The following POFUT3 variants were observed in gnomAD, a reference collection of about 807,000 sequenced individuals.
POFUT3 encodes the protein protein O-fucosyltransferase 3, also known as GDP-fucose protein O-fucosyltransferase 3.
chr8:33,312,526 G>C, the POFUT3 span, among the ~76,000 whole-genome samples: 1 of 152,034 alleles, frequency 6.6e-6, no homozygotes, highest in African/African-American at 2.4e-5. Flanking sequence ...TGATGAGTTA[G>C]TTTTACTAAC....
the POFUT3 span, among the ~76,000 whole-genome samples, chr8:33,382,108 C>T: frequency 2.0e-5 from 3 of 152,128 alleles, no homozygotes; most frequent in Admixed American, 6.6e-5. Flanking sequence ...GCCTGGGAAA[C>T]ATGGCAAAAC....
the POFUT3 span, among the ~76,000 whole-genome samples, chr8:33,357,542 GTA>G: frequency 2.0e-5 from 3 of 150,624 alleles, no homozygotes; most frequent in Non-Finnish European, 3.0e-5. Context: ...ATATATGTGT[GTA>G]TATATATATA....
the POFUT3 span, among the ~76,000 whole-genome samples, chr8:33,441,616 A>G: frequency 2.7e-3 from 411 of 151,974 alleles, 2 homozygotes; most frequent in African/African-American, 9.5e-3. Context: ...CGAGAGCTCA[A>G]CCGATCTGCC....
chr8:33,401,857 G>C, the POFUT3 span, among the ~76,000 whole-genome samples: 2 of 152,020 alleles, frequency 1.3e-5, no homozygotes, highest in Non-Finnish European at 2.9e-5. Context: ...GCGAAACGCT[G>C]TCTCTACTAA....
chr8:33,459,203 G>GCT, the POFUT3 span, among the ~76,000 whole-genome samples: 1 of 152,104 alleles, frequency 6.6e-6, no homozygotes, highest in African/African-American at 2.4e-5. Flanking sequence ...AGCTGGGCAT[G>GCT]GTGGCAGGCA....
the POFUT3 span, among the ~76,000 whole-genome samples, chr8:33,427,946 G>A: frequency 6.6e-6 from 1 of 152,066 alleles, no homozygotes; most frequent in Non-Finnish European, 1.5e-5. Flanking sequence ...CCAACATGGT[G>A]AAACCCATCT....
At chr8:33,374,051 A>T in the POFUT3 span, among the ~76,000 whole-genome samples, 1 of 152,208 alleles carries the variant, frequency 6.6e-6, no homozygotes, top group African/African-American at 2.4e-5. Flanking sequence ...GCAGAGCAGG[A>T]GGTGAGCAGC....
the POFUT3 span, among the ~76,000 whole-genome samples, chr8:33,407,591 T>G: frequency 6.6e-6 from 1 of 151,594 alleles, no homozygotes; most frequent in Non-Finnish European, 1.5e-5. Flanking sequence ...TAAAAAAAAT[T>G]TTTTATCTCA....
the POFUT3 span, among the ~76,000 whole-genome samples, chr8:33,354,630 T>C: frequency 6.6e-6 from 1 of 152,148 alleles, no homozygotes; most frequent in African/African-American, 2.4e-5. Context: ...CTGGAAACAC[T>C]CTCACAGACA....
the POFUT3 span, among the ~76,000 whole-genome samples, chr8:33,349,635 A>G: frequency 6.6e-6 from 1 of 152,224 alleles, no homozygotes; most frequent in Non-Finnish European, 1.5e-5. Flanking sequence ...ATGGCTGAGT[A>G]GTAGTCCATG....
the POFUT3 span, chr8:33,389,261 T>TATACAG: frequency 1.2e-6 from 2 of 1,614,186 alleles, no homozygotes; most frequent in Non-Finnish European, 1.7e-6. Context: ...GGATCCGTAA[T>TATACAG]ATACAGGGAC....
At chr8:33,339,625 C>T in the POFUT3 span, among the ~76,000 whole-genome samples, 10 of 152,284 alleles carry the variant, frequency 6.6e-5, no homozygotes, top group East Asian at 1.9e-3. Flanking sequence ...AGACATATCA[C>T]ATCATGATTA....
the POFUT3 span, among the ~76,000 whole-genome samples, chr8:33,469,238 G>A: frequency 1.1e-3 from 160 of 152,184 alleles, no homozygotes; most frequent in Non-Finnish European, 1.7e-3. Context: ...CCCGGGAGGC[G>A]GAGTTTGCAA....
the POFUT3 span, among the ~76,000 whole-genome samples, chr8:33,435,222 A>ATT: frequency 0.011 from 1,640 of 144,392 alleles, 29 homozygotes; most frequent in African/African-American, 0.038. Flanking sequence ...TTTTAATTTA[A>ATT]TTTTTTTTTT....
At chr8:33,457,384 T>G in the POFUT3 span, among the ~76,000 whole-genome samples, 1 of 152,132 alleles carries the variant, frequency 6.6e-6, no homozygotes, top group Non-Finnish European at 1.5e-5. Flanking sequence ...TAATCTCAGC[T>G]ACTTGGGAGG....
chr8:33,459,483 AT>A, the POFUT3 span, among the ~76,000 whole-genome samples: 20 of 151,434 alleles, frequency 1.3e-4, no homozygotes, highest in Non-Finnish European at 2.8e-4. Context: ...CTACAAAAAA[AT>A]TAGAAAACTT....
chr8:33,382,308 G>A, the POFUT3 span, among the ~76,000 whole-genome samples: 1 of 151,982 alleles, frequency 6.6e-6, no homozygotes, highest in Non-Finnish European at 1.5e-5. Flanking sequence ...TCAATCAAAT[G>A]GAGATTTCCA....
chr8:33,418,057 G>A, the POFUT3 span, among the ~76,000 whole-genome samples: 8 of 152,190 alleles, frequency 5.3e-5, no homozygotes, highest in South Asian at 1.2e-3. Flanking sequence ...TCCAACCCAC[G>A]CCCAAACCTA....
At chr8:33,336,045 C>T in the POFUT3 span, among the ~76,000 whole-genome samples, 2 of 151,994 alleles carry the variant, frequency 1.3e-5, no homozygotes, top group South Asian at 2.1e-4. Flanking sequence ...GGTCAACTGT[C>T]GTGTTGAATA....
Sources: gnomAD v4.1 joint callset for allele counts (sites outside exome capture counted in the v4.1 genomes callset) on GRCh38, gnomAD v4.1.1 for gene constraint, MANE v1.5 for transcripts, NCBI Gene and HGNC (gene_info 2026-07-23, HGNC 2026-07-21) for gene names.